The following PLXDC2 variants were observed in gnomAD, a reference collection of about 807,000 sequenced individuals.
PLXDC2 encodes the protein plexin domain-containing protein 2.
A neutral mutation model predicts 68.9 loss-of-function variants in PLXDC2; 40 were observed. The observed-to-expected ratio is 0.58, with a 90% CI of 0.45 to 0.76. PLXDC2 has a LOEUF of 0.76. Among genes scored for constraint, PLXDC2 ranks in the 30% least tolerant of loss-of-function variants. The pLI, the probability that PLXDC2 is intolerant of heterozygous loss-of-function variation, is 0.00. For missense variants in PLXDC2, 644 were observed against 661.9 expected, an observed-to-expected ratio of 0.97 and a Z score of 0.30; for synonymous variants, 243 against 234.2, an observed-to-expected ratio of 1.04 and a Z score of -0.34.
intron 3 of PLXDC2, among the ~76,000 whole-genome samples, chr10:20,057,922 TA>T (rs11343734): frequency 0.28 from 41,221 of 148,742 alleles, 7,196 homozygotes; most frequent in African/African-American, 0.5. Context: ...GAATCTGCAT[TA>T]AAAAAAAAAG....
chr10:20,128,758 G>C (rs762510840), intron 4 of PLXDC2, among the ~76,000 whole-genome samples: 3 of 152,200 alleles, frequency 2.0e-5, no homozygotes, highest in Non-Finnish European at 2.9e-5. Flanking sequence ...TCTGGGACCA[G>C]CTTATTGCAC....
At chr10:20,230,727 G>T (rs1835353374) in intron 12 of PLXDC2, among the ~76,000 whole-genome samples, 1 of 82,506 alleles carries the variant, frequency 1.2e-5, no homozygotes, top group African/African-American at 3.8e-5. Context: ...GGAAAACAGT[G>T]TCATTTCATT....
intron 6 of PLXDC2, among the ~76,000 whole-genome samples, chr10:20,162,909 C>CAAAAAAAAAAA (rs71390763): frequency 6.1e-4 from 60 of 97,622 alleles, no homozygotes; most frequent in African/African-American, 7.3e-4. Context: ...ACTAAAAATA[C>CAAAAAAAAAAA]AAAAAAAAAA....
chr10:19,871,436 G>C (rs1048538287), intron 1 of PLXDC2, among the ~76,000 whole-genome samples: 3 of 152,062 alleles, frequency 2.0e-5, no homozygotes, highest in East Asian at 3.8e-4. Context: ...TTATTATAAG[G>C]TTTCCTTTTT....
At chr10:19,989,798 G>T in intron 1 of PLXDC2, among the ~76,000 whole-genome samples, 1 of 144,982 alleles carries the variant, frequency 6.9e-6, no homozygotes. Context: ...CACCCAGGTT[G>T]GAGTGCAGTG....
chr10:20,067,791 A>G lies in PLXDC2; in HGVS notation c.472-379A>G, dbSNP rs1183671691. Among the ~76,000 whole-genome samples, 3 of 152,328 alleles carry G rather than the reference A, an allele frequency of 2.0e-5. No homozygotes were observed. The East Asian group carries it at 5.8e-4, about 29-fold the overall frequency. ...GGGATGTATAGAAAACAAATTAAAA[A>G]TGTAATAATGTAACATAAAATCTAT... On this transcript the variant is annotated intron_variant, in intron 3 of 13. Coordinates refer to ENST00000377252, the MANE Select transcript of PLXDC2 (RefSeq NM_032812.9).
intron 9 of PLXDC2, among the ~76,000 whole-genome samples, chr10:20,201,436 G>T (rs1358337837): frequency 6.6e-6 from 1 of 151,866 alleles, no homozygotes; most frequent in African/African-American, 2.4e-5. Flanking sequence ...TTTGTTAAAG[G>T]ATATAAATTA....
chr10:20,156,178 C>G (rs575775022), intron 6 of PLXDC2, among the ~76,000 whole-genome samples: 7 of 152,192 alleles, frequency 4.6e-5, no homozygotes, highest in Non-Finnish European at 7.4e-5. Flanking sequence ...AAATCCACAC[C>G]AGAGTCTTGA....
chr10:20,165,772 T>C (rs1019684839), intron 7 of PLXDC2, among the ~76,000 whole-genome samples: 1 of 152,140 alleles, frequency 6.6e-6, no homozygotes, highest in African/African-American at 2.4e-5. Flanking sequence ...TTTTATAGAA[T>C]AAAAAGGGAC....
At chr10:20,016,510 C>A (rs1032588723) in intron 2 of PLXDC2, among the ~76,000 whole-genome samples, 1 of 152,124 alleles carries the variant, frequency 6.6e-6, no homozygotes, top group Admixed American at 6.6e-5. Context: ...GATTTGTTTT[C>A]GCACTCAAAT....
In PLXDC2 at chr10:20,164,540, G is replaced by T. The variant is rs775360529; in HGVS notation, c.856G>T (p.Val286Phe). The stretch of plus-strand genomic sequence containing the variant: ...AGTCGGACTGTCCGATGCATTTGTC[G>T]TTGTCCACAGGATCCAACAAATTCC... ...VKVGLSDAFV[V>F]VHRIQQIPNV... Residue 286 changes from valine to phenylalanine, a missense_variant, in exon 7 of 14, where the codon GTT becomes TTT. Val to Phe is a conservative substitution (Grantham distance 50). Transcript: ENST00000377252. The T allele has an allele frequency of 6.2e-7, 1 of 1,613,056 alleles. No individual in the cohort carries two copies. The highest frequency in any genetic ancestry group is 1.1e-5 in the South Asian group (1 of 91,072).
intron 1 of PLXDC2, among the ~76,000 whole-genome samples, chr10:19,889,803 C>T (rs1304494898): frequency 6.6e-6 from 1 of 152,188 alleles, no homozygotes; most frequent in African/African-American, 2.4e-5. Context: ...ATAGTGCCAG[C>T]AGGTAACCCA....
At chr10:20,216,717 A>T (rs1171194967) in intron 10 of PLXDC2, among the ~76,000 whole-genome samples, 3 of 152,306 alleles carry the variant, frequency 2.0e-5, no homozygotes, top group Non-Finnish European at 2.9e-5. Context: ...AAGCTATAAA[A>T]GTTTGGATGT....
chr10:19,916,838 T>C (rs1008333757), intron 1 of PLXDC2, among the ~76,000 whole-genome samples: 2 of 152,190 alleles, frequency 1.3e-5, no homozygotes, highest in African/African-American at 4.8e-5. Flanking sequence ...AATAATCATG[T>C]CATCCAGGTA....
intron 6 of PLXDC2, among the ~76,000 whole-genome samples, chr10:20,154,401 T>C (rs1834191494): frequency 6.6e-6 from 1 of 151,882 alleles, no homozygotes; most frequent in Admixed American, 6.6e-5. Flanking sequence ...CTGTCTCTAC[T>C]AAAAATACAA....
intron 1 of PLXDC2, among the ~76,000 whole-genome samples, chr10:19,918,300 A>G (rs1040788187): frequency 6.6e-6 from 1 of 152,222 alleles, no homozygotes; most frequent in African/African-American, 2.4e-5. Context: ...TTTCAAAAGA[A>G]TGTAATTAAC....
chr10:19,852,382 C>T lies in PLXDC2; in HGVS notation c.112+35191C>T, dbSNP rs1837134022. The stretch of plus-strand genomic sequence containing the variant: ...TTGAGGCTGCAGTGAGCCCACATTG[C>T]ATCACTGCACTCCAGTCTGGGTGAC... On this transcript the variant is annotated intron_variant, in intron 1 of 13. Transcript: ENST00000377252. 2.3e-5 allele frequency among the ~76,000 whole-genome samples: 3 copies of T among 128,212 alleles called. No individual in the cohort carries two copies. The Admixed American group carries it at 2.9e-4, about 12-fold the overall frequency. 84.1% of individuals were successfully genotyped at this position (128,212 alleles called of 152,430 possible). A position where few individuals can be genotyped will look rare whatever the true frequency, so the allele number is the denominator to read the frequency against.
chr10:19,818,670 G>T (rs890101535), intron 1 of PLXDC2, among the ~76,000 whole-genome samples: 2 of 152,216 alleles, frequency 1.3e-5, no homozygotes, highest in Middle Eastern at 3.4e-3. Flanking sequence ...TCTTGACTGT[G>T]TATGATTTAT....
intron 2 of PLXDC2, among the ~76,000 whole-genome samples, chr10:20,036,580 AT>A (rs562023340): frequency 2.0e-5 from 3 of 151,838 alleles, no homozygotes; most frequent in Non-Finnish European, 2.9e-5. Flanking sequence ...ACAAATGGTG[AT>A]TTTTTTTTAA....
Sources: allele counts gnomAD v4.1 joint callset (sites outside exome capture counted in the v4.1 genomes callset), GRCh38; gene constraint gnomAD v4.1.1; transcripts MANE v1.5; gene names NCBI Gene and HGNC (gene_info 2026-07-23, HGNC 2026-07-21).